NOS1AP: variants seen among roughly 807,000 people sequenced by gnomAD.
The protein encoded by NOS1AP is carboxyl-terminal PDZ ligand of neuronal nitric oxide synthase protein.
A neutral mutation model predicts 56.2 loss-of-function variants in NOS1AP; 21 were observed. The ratio of observed to expected loss-of-function variants is 0.37; its 90% confidence interval spans 0.26 to 0.54. The LOEUF (loss-of-function observed/expected upper bound fraction) is 0.54. Among genes scored for constraint, NOS1AP ranks in the 20% least tolerant of loss-of-function variants. The pLI is 0.84. For synonymous variants in NOS1AP, 270 were observed against 274.6 expected (o/e 0.98, Z 0.17); for missense variants, 522 against 657.8 (o/e 0.79, Z 2.26).
intron 2 of NOS1AP, among the ~76,000 whole-genome samples, chr1:162,192,600 T>G (rs1388412518): frequency 6.6e-6 from 1 of 152,222 alleles, no homozygotes; most frequent in Non-Finnish European, 1.5e-5. Context: ...GCAAGGCCAC[T>G]TTTCCCTGGC....
chr1:162,356,454 G>C (rs1657708072), intron 7 of NOS1AP, among the ~76,000 whole-genome samples: 1 of 152,166 alleles, frequency 6.6e-6, no homozygotes, highest in African/African-American at 2.4e-5. Context: ...CCCTCACATG[G>C]CCCCTTCCTC....
intron 2 of NOS1AP, among the ~76,000 whole-genome samples, chr1:162,230,143 C>G (rs1370835144): frequency 1.3e-5 from 2 of 152,256 alleles, no homozygotes; most frequent in South Asian, 4.1e-4. Context: ...GAGTTAGTGG[C>G]TGGGGCCCAC....
intron 1 of NOS1AP, among the ~76,000 whole-genome samples, chr1:162,129,288 G>A (rs1648638464): frequency 6.6e-6 from 1 of 152,010 alleles, no homozygotes. Context: ...TGTATAACTG[G>A]TTTCTTTAGG....
chr1:162,071,151 T>C (rs1691652807), intron 1 of NOS1AP, among the ~76,000 whole-genome samples: 1 of 152,178 alleles, frequency 6.6e-6, no homozygotes, highest in Admixed American at 6.5e-5. Flanking sequence ...AACAGTGTTC[T>C]GCTCTTCCTT....
chr1:162,236,677 G>C (rs1036261173), intron 2 of NOS1AP, among the ~76,000 whole-genome samples: 6 of 152,170 alleles, frequency 3.9e-5, no homozygotes, highest in Non-Finnish European at 8.8e-5. Flanking sequence ...GGTGGGGGAT[G>C]GGGGGGCAGG....
chr1:162,353,491 G>A (rs1273718642), intron 6 of NOS1AP, among the ~76,000 whole-genome samples: 1 of 152,202 alleles, frequency 6.6e-6, no homozygotes, highest in Admixed American at 6.5e-5. Flanking sequence ...ATGGGAAGTA[G>A]ATAAGCAGCC....
At chr1:162,075,149 TGATATG>T (rs1380682060) in intron 1 of NOS1AP, among the ~76,000 whole-genome samples, 1 of 152,182 alleles carries the variant, frequency 6.6e-6, no homozygotes, top group Non-Finnish European at 1.5e-5. Context: ...TCTTCTCTGG[TGATATG>T]GAATGTTCTT....
At chr1:162,128,128 G>A (rs1181856849) in intron 1 of NOS1AP, among the ~76,000 whole-genome samples, 1 of 151,748 alleles carries the variant, frequency 6.6e-6, no homozygotes, top group Non-Finnish European at 1.5e-5. Context: ...TTTTCTTTTA[G>A]TACTTGGATT....
intron 2 of NOS1AP, among the ~76,000 whole-genome samples, chr1:162,212,712 G>A (rs972504150): frequency 6.6e-6 from 1 of 152,146 alleles, no homozygotes; most frequent in Non-Finnish European, 1.5e-5. Flanking sequence ...GTGGATGCAG[G>A]CCTAGAAAGT....
intron 1 of NOS1AP, among the ~76,000 whole-genome samples, chr1:162,114,346 C>T (rs116404921): frequency 6.0e-4 from 91 of 152,304 alleles, no homozygotes; most frequent in African/African-American, 2.1e-3. Flanking sequence ...TCACGCAGAA[C>T]TCTCAGGCAC....
intron 2 of NOS1AP, among the ~76,000 whole-genome samples, chr1:162,260,022 A>G (rs991996017): frequency 4.6e-5 from 7 of 151,886 alleles, no homozygotes; most frequent in Non-Finnish European, 5.9e-5. Flanking sequence ...CCCCCTTTGA[A>G]AATATAGTGA....
At chr1:162,070,452 C>T (rs577538018) in intron 1 of NOS1AP, among the ~76,000 whole-genome samples, 170 bp downstream of exon 1, 1 of 152,316 alleles carries the variant, frequency 6.6e-6, no homozygotes, top group South Asian at 2.1e-4. Flanking sequence ...TCCGCGGGCT[C>T]CTGCCCAGAA....
At chr1:162,304,328 G>T (rs1655748160) in intron 4 of NOS1AP, among the ~76,000 whole-genome samples, 1 of 152,022 alleles carries the variant, frequency 6.6e-6, no homozygotes, top group Non-Finnish European at 1.5e-5. Context: ...TCTCTGTGAG[G>T]TTTATTTCTG....
intron 3 of NOS1AP, among the ~76,000 whole-genome samples, chr1:162,294,389 G>T (rs1655383521): frequency 6.6e-6 from 1 of 152,108 alleles, no homozygotes; most frequent in Admixed American, 6.5e-5. Flanking sequence ...TCAGTCACTG[G>T]CTGGAGCAGT....
intron 4 of NOS1AP, among the ~76,000 whole-genome samples, chr1:162,307,637 A>C (rs1655880531): frequency 6.6e-6 from 1 of 152,042 alleles, no homozygotes; most frequent in Admixed American, 6.6e-5. Context: ...CCCAGCCTCT[A>C]CTAAAAATAC....
intron 2 of NOS1AP, among the ~76,000 whole-genome samples, chr1:162,279,014 C>A (rs764594131): frequency 7.2e-5 from 11 of 152,034 alleles, no homozygotes; most frequent in Non-Finnish European, 4.4e-5. Flanking sequence ...TAGAATTGAC[C>A]GGAGTAGGGT....
At chr1:162,199,058 C>G (rs1384199949) in intron 2 of NOS1AP, among the ~76,000 whole-genome samples, 1 of 152,206 alleles carries the variant, frequency 6.6e-6, no homozygotes, top group Non-Finnish European at 1.5e-5. Flanking sequence ...ACACCCTCTT[C>G]CAGTTATCCT....
chr1:162,331,648 C>T (rs1656775422), intron 4 of NOS1AP, among the ~76,000 whole-genome samples: 3 of 152,158 alleles, frequency 2.0e-5, no homozygotes, highest in Admixed American at 6.5e-5. Flanking sequence ...ACAAATCAGA[C>T]CTGTTAACTC....
intron 2 of NOS1AP, among the ~76,000 whole-genome samples, chr1:162,201,125 T>C (rs935067019): frequency 6.6e-6 from 1 of 152,220 alleles, no homozygotes; most frequent in Non-Finnish European, 1.5e-5. Flanking sequence ...GTTCTCATCA[T>C]TTAGCTCTCA....
Sources: gnomAD v4.1 joint callset for allele counts (sites outside exome capture counted in the v4.1 genomes callset) on GRCh38, gnomAD v4.1.1 for gene constraint, MANE v1.5 for transcripts, NCBI Gene and HGNC (gene_info 2026-07-23, HGNC 2026-07-21) for gene names.